Variants in PDSS2 observed in about 807,000 individuals in gnomAD.
PDSS2 encodes the protein decaprenyl diphosphate synthase subunit 2, also known as all trans-polyprenyl-diphosphate synthase PDSS2.
PDSS2 carries 31 observed loss-of-function variants against 44.5 expected under a neutral mutation model. The observed-to-expected ratio is 0.70, with a 90% CI of 0.52 to 0.94. The LOEUF is 0.94. Among genes scored for constraint, PDSS2 ranks in the 40% least tolerant of loss-of-function variants. PDSS2 has a pLI of 0.00. For synonymous variants in PDSS2, 157 were observed against 180.3 expected (o/e 0.87, Z 1.03); for missense variants, 452 against 482.2 (o/e 0.94, Z 0.59).
chr6:107,402,502 A>ATATATATACGTATATATATG (rs1780167981), intron 1 of PDSS2, among the ~76,000 whole-genome samples: 20 of 124,632 alleles, frequency 1.6e-4, no homozygotes, highest in Non-Finnish European at 3.2e-4. Context: ...ATATGTATAC[A>ATATATATACGTATATATATG]TATATATACA....
At chr6:107,402,206 G>A (rs1780127765) in intron 1 of PDSS2, among the ~76,000 whole-genome samples, 3 of 151,714 alleles carry the variant, frequency 2.0e-5, no homozygotes, top group South Asian at 4.2e-4. Context: ...CTTAAACTCA[G>A]GAGGCAGAGG....
chr6:107,270,400 C>T (rs1775562447), intron 3 of PDSS2, among the ~76,000 whole-genome samples: 1 of 151,992 alleles, frequency 6.6e-6, no homozygotes, highest in Non-Finnish European at 1.5e-5. Flanking sequence ...GCATGAGCCA[C>T]CGTGCCTGGC....
At chr6:107,319,827 C>A (rs1009856515) in intron 2 of PDSS2, among the ~76,000 whole-genome samples, 1 of 152,184 alleles carries the variant, frequency 6.6e-6, no homozygotes, top group Non-Finnish European at 1.5e-5. Context: ...ATTACATTTT[C>A]ATTCCCTGAC....
At chr6:107,409,056 C>A (rs1348591086) in intron 1 of PDSS2, among the ~76,000 whole-genome samples, 2 of 152,170 alleles carry the variant, frequency 1.3e-5, no homozygotes, top group African/African-American at 4.8e-5. Context: ...AAAGTTAAAA[C>A]CTGACACTTA....
intron 2 of PDSS2, among the ~76,000 whole-genome samples, chr6:107,308,930 G>A (rs575715748): frequency 6.6e-6 from 1 of 152,336 alleles, no homozygotes; most frequent in South Asian, 2.1e-4. Context: ...TTAGCACAAA[G>A]GCTTGGGTGT....
intron 1 of PDSS2, among the ~76,000 whole-genome samples, chr6:107,384,390 C>T (rs1367811106): frequency 6.6e-6 from 1 of 152,080 alleles, no homozygotes; most frequent in Non-Finnish European, 1.5e-5. Context: ...CCTGTAATCC[C>T]AGCACTTTGG....
intron 1 of PDSS2, among the ~76,000 whole-genome samples, chr6:107,345,726 A>G (rs1175152125): frequency 6.6e-6 from 1 of 152,188 alleles, no homozygotes; most frequent in Non-Finnish European, 1.5e-5. Flanking sequence ...ATGAATGGAA[A>G]AACATTCAAA....
At chr6:107,374,008 C>CT (rs932072169) in intron 1 of PDSS2, among the ~76,000 whole-genome samples, 2 of 152,090 alleles carry the variant, frequency 1.3e-5, no homozygotes, top group Non-Finnish European at 2.9e-5. Flanking sequence ...AATCTCAGAA[C>CT]TTTGGGAGGC....
chr6:107,301,563 T>A (rs1582913156), intron 2 of PDSS2, among the ~76,000 whole-genome samples: 1 of 152,346 alleles, frequency 6.6e-6, no homozygotes, highest in African/African-American at 2.4e-5. Context: ...CAGACTGTAA[T>A]ATTTTTTCAG....
chr6:107,213,480 G>T (rs901324929), intron 4 of PDSS2, among the ~76,000 whole-genome samples: 1 of 152,046 alleles, frequency 6.6e-6, no homozygotes, highest in African/African-American at 2.4e-5. Context: ...GAAAAAGAAG[G>T]GTGGGCATGG....
chr6:107,200,660 G>C (rs1440379235), intron 6 of PDSS2, among the ~76,000 whole-genome samples: 1 of 151,988 alleles, frequency 6.6e-6, no homozygotes, highest in Non-Finnish European at 1.5e-5. Flanking sequence ...TTCTAGCAGA[G>C]CAAGATATTA....
intron 5 of PDSS2, among the ~76,000 whole-genome samples, chr6:107,210,945 G>C (rs1234106588): frequency 6.7e-6 from 1 of 150,322 alleles, no homozygotes; most frequent in Non-Finnish European, 1.5e-5. Context: ...GCAGTGAGCC[G>C]AGATTGCGCC....
Position 107,366,118 on chromosome 6 carries a change from C to T in PDSS2, c.297-31786G>A, listed in dbSNP as rs543510012. Among the ~76,000 whole-genome samples the T allele has an allele frequency of 1.1e-4, 17 of 152,192 alleles. No individual in the cohort carries two copies. In the South Asian group the frequency reaches 3.5e-3, roughly 32 times the overall value. On this transcript the variant is annotated intron_variant, in intron 1 of 7. Coordinates refer to ENST00000369037, the MANE Select transcript of PDSS2 (RefSeq NM_020381.4). Reference sequence around the variant, plus strand: ...GTATTCTTTTCAAGCACACGTGGAACATTCTCATATGCTGGGCCAGAAAAC... The same window carrying T: ...GTATTCTTTTCAAGCACACGTGGAATATTCTCATATGCTGGGCCAGAAAAC...
chr6:107,343,161 C>CA (rs1249941256), intron 1 of PDSS2, among the ~76,000 whole-genome samples: 2 of 151,976 alleles, frequency 1.3e-5, no homozygotes, highest in African/African-American at 2.4e-5. Context: ...TAAGTCTATC[C>CA]AAAAAATGTA....
At chr6:107,264,596 C>T in intron 3 of PDSS2, 1 of 850,248 alleles carries the variant, frequency 1.2e-6, no homozygotes, top group East Asian at 2.7e-5. Flanking sequence ...AAAGACTTTT[C>T]AAAAACAAGA....
At chr6:107,457,004 GTA>G (rs1337140942) in intron 1 of PDSS2, among the ~76,000 whole-genome samples, 1 of 152,158 alleles carries the variant, frequency 6.6e-6, no homozygotes, top group East Asian at 1.9e-4. Flanking sequence ...AAACATATGT[GTA>G]TGTGTTTTGA....
chr6:107,250,706 T>C (rs1361191874), intron 3 of PDSS2, among the ~76,000 whole-genome samples: 1 of 152,102 alleles, frequency 6.6e-6, no homozygotes, highest in Non-Finnish European at 1.5e-5. Flanking sequence ...GATAGACAAG[T>C]TGTGCCTTTC....
intron 2 of PDSS2, among the ~76,000 whole-genome samples, chr6:107,331,185 A>T (rs1777698870): frequency 6.6e-6 from 1 of 152,216 alleles, no homozygotes; most frequent in South Asian, 2.1e-4. Flanking sequence ...ACACTTGAAC[A>T]ATTAAGGAAG....
intron 1 of PDSS2, among the ~76,000 whole-genome samples, chr6:107,364,439 C>T (rs1222962867): frequency 2.0e-5 from 3 of 152,238 alleles, no homozygotes. Flanking sequence ...CGCCAGTGGG[C>T]CGGCACTGCT....
Sources: allele counts gnomAD v4.1 joint callset (sites outside exome capture counted in the v4.1 genomes callset), GRCh38; gene constraint gnomAD v4.1.1; transcripts MANE v1.5; gene names NCBI Gene and HGNC (gene_info 2026-07-23, HGNC 2026-07-21).